The following ADGRV1 variants were observed in gnomAD, a reference collection of about 807,000 sequenced individuals.
ADGRV1 encodes the protein adhesion G protein-coupled receptor V1, also known as G-protein coupled receptor 98.
A neutral mutation model predicts 596.2 loss-of-function variants in ADGRV1; 359 were observed. The ratio of observed to expected loss-of-function variants is 0.60; its 90% CI spans 0.55 to 0.66. The LOEUF is 0.66. ADGRV1 is among the 30% of genes least tolerant of loss of function. The probability of loss-of-function intolerance (pLI) is 0.00; values close to 1 mark genes in which losing one functional copy is unlikely to be tolerated. For missense variants in ADGRV1, 7,274 were observed against 7,575.6 expected, an observed-to-expected ratio of 0.96 and a Z score of 1.48; for synonymous variants, 2,681 against 2,679.2, an observed-to-expected ratio of 1.00 and a Z score of -0.02.
intron 83 of ADGRV1, among the ~76,000 whole-genome samples, chr5:90,882,430 G>C (rs372744192): frequency 6.6e-6 from 1 of 152,152 alleles, no homozygotes; most frequent in South Asian, 2.1e-4. Context: ...ACAGTCTCCT[G>C]TACTGATGGA....
At chr5:90,886,293 G>T (rs1046043805) in intron 83 of ADGRV1, among the ~76,000 whole-genome samples, 2 of 152,120 alleles carry the variant, frequency 1.3e-5, no homozygotes, top group South Asian at 4.1e-4. Flanking sequence ...TTTGGCTTCA[G>T]CTTCTCAGAC....
intron 83 of ADGRV1, among the ~76,000 whole-genome samples, chr5:90,922,173 C>A (rs1773941682): frequency 1.3e-5 from 2 of 152,224 alleles, no homozygotes; most frequent in South Asian, 2.1e-4. Flanking sequence ...CACTGCCACA[C>A]TGTATGGTGT....
At chr5:90,712,553 G>A (rs956597282) in intron 42 of ADGRV1, 125 bp downstream of exon 42, 1 of 731,356 alleles carries the variant, frequency 1.4e-6, no homozygotes, top group East Asian at 2.8e-5. Context: ...ATGATTTTAA[G>A]TTAGAGCATT....
intron 84 of ADGRV1, among the ~76,000 whole-genome samples, chr5:90,966,270 C>T (rs1778448336): frequency 6.6e-6 from 1 of 152,202 alleles, no homozygotes; most frequent in East Asian, 1.9e-4. Flanking sequence ...TAGAAATGCA[C>T]TGGGAATGCC....
chr5:90,684,131 G>T lies in ADGRV1; in HGVS notation c.6210G>T (p.Arg2070Ser). ...TTTTGGATGATGATGAGCCAGAAAGGTCCGAATCTGTCTTTATCGAACTAC... is the reference window on the plus strand; with the variant it reads ...TTTTGGATGATGATGAGCCAGAAAGTTCCGAATCTGTCTTTATCGAACTAC... ...ISILDDDEPE[R>S]SESVFIELLN... The change falls in exon 28 of 90, where the codon AGG (arginine) becomes AGT (serine). Residue 2070 changes from arginine to serine, a missense_variant. Arg to Ser is a moderately radical substitution (Grantham distance 110, BLOSUM62 -1). Coordinates refer to ENST00000405460, the MANE Select transcript of ADGRV1 (RefSeq NM_032119.4). The T allele has an allele frequency of 2.5e-6, 4 of 1,613,794 alleles. No individual in the cohort carries two copies. The highest frequency in any genetic ancestry group is 3.4e-6 in the Non-Finnish European group (4 of 1,179,844).
At chr5:90,813,106 C>A (rs1194605565) in intron 74 of ADGRV1, among the ~76,000 whole-genome samples, 4 of 98,078 alleles carry the variant, frequency 4.1e-5, no homozygotes, top group Non-Finnish European at 5.8e-5. Context: ...ACACTCCAGC[C>A]TGGGCGACAG....
At chr5:90,704,355 G>T (rs763900393) in intron 35 of ADGRV1, 34 bp from the exon 36 acceptor site, 9 of 1,274,012 alleles carry the variant, frequency 7.1e-6, no homozygotes, top group East Asian at 2.5e-5. Context: ...ATTCAATAAC[G>T]ACAGCGGGAT....
rs1025893597 is a variant in ADGRV1 at position 90,708,912 on chromosome 5, A to G, written c.8824+3A>G. 1.3e-6 allele frequency: 2 copies of G among 1,595,676 alleles called. No homozygotes were observed. The highest frequency in any genetic ancestry group is 1.7e-6 in the Non-Finnish European group (2 of 1,164,110). Reference sequence around the variant, plus strand: ...AACTTCATTTCCTCCCAGACTAGGTATGAGGGGTTTCTTGTTTGTTTCTTT... The same window carrying G: ...AACTTCATTTCCTCCCAGACTAGGTGTGAGGGGTTTCTTGTTTGTTTCTTT... On this transcript the variant is annotated splice_donor_region_variant and intron_variant, in intron 39 of 89. Coordinates refer to ENST00000405460, the MANE Select transcript of ADGRV1 (RefSeq NM_032119.4).
At chr5:90,585,358 G>A (rs1171586377) in intron 1 of ADGRV1, among the ~76,000 whole-genome samples, 3 of 152,184 alleles carry the variant, frequency 2.0e-5, no homozygotes, top group Admixed American at 6.5e-5. Context: ...GTGCATCATC[G>A]TAAGTGTGGT....
chr5:90,927,643 ATGTTGTTATGTGTGAATTTGATCC>A (rs1016489427), intron 83 of ADGRV1, among the ~76,000 whole-genome samples: 3 of 151,610 alleles, frequency 2.0e-5, no homozygotes, highest in Non-Finnish European at 2.9e-5. Context: ...TTTAAAGTTA[ATGTTGTTATGTGTGAATTTGATCC>A]TGTCATTATG....
intron 84 of ADGRV1, among the ~76,000 whole-genome samples, chr5:90,976,278 G>T (rs1779576256): frequency 7.2e-6 from 1 of 139,150 alleles, no homozygotes; most frequent in African/African-American, 2.7e-5. Flanking sequence ...ATGTTTACGT[G>T]TATCTGTATG....
Position 90,672,602 on chromosome 5 carries a change from G to A in ADGRV1, c.4809G>A (p.Leu1603=). The A allele has an allele frequency of 6.2e-7, 1 of 1,613,652 alleles. No homozygotes were observed. The highest frequency in any genetic ancestry group is 8.5e-7 in the Non-Finnish European group (1 of 1,179,670). Residue 1603 remains leucine (L), a synonymous_variant, in exon 22 of 90, where the codon CTG becomes CTA. Coordinates refer to ENST00000405460, the MANE Select transcript of ADGRV1 (RefSeq NM_032119.4). ...SCVVERTRGA[L]DYVHVFYTIS... is the part of the protein sequence containing the mutation. ...TGGTTGAGAGAACCAGAGGAGCTCT[G>A]GATTATGTGCATGTTTTTTACACCA...
Position 91,035,861 on chromosome 5 carries a change from T to TAATATATATATATATATATATATATATA in ADGRV1, c.18153-36586_18153-36585insAATATATATATATATATATATATATATA. Among the ~76,000 whole-genome samples the TAATATATATATATATATATATATATATA allele has an allele frequency of 7.6e-4, 73 of 96,372 alleles. 3 individuals carry two copies. Among genetic ancestry groups the TAATATATATATATATATATATATATATA allele is most frequent in the Admixed American group, 1.3e-3 (12 of 9,434 alleles). 63.2% of individuals were successfully genotyped at this position (96,372 alleles called of 152,430 possible). A position where few individuals can be genotyped will look rare whatever the true frequency, so the allele number is the denominator to read the frequency against. ...ATGAGTGTGTATATATATATATATA[T>TAATATATATATATATATATATATATATA]TATATATATATATATATATATCTTA... On this transcript the variant is annotated intron_variant, in intron 85 of 89. Coordinates refer to ENST00000405460, the MANE Select transcript of ADGRV1 (RefSeq NM_032119.4).
chr5:90,873,668 C>T (rs1010372839), intron 83 of ADGRV1, among the ~76,000 whole-genome samples: 4 of 152,066 alleles, frequency 2.6e-5, no homozygotes, highest in Admixed American at 6.5e-5. Flanking sequence ...TGGTGGTGCA[C>T]GCTGTAGTCC....
At chr5:91,070,015 C>A (rs1216243740) in intron 85 of ADGRV1, among the ~76,000 whole-genome samples, 1 of 151,436 alleles carries the variant, frequency 6.6e-6, no homozygotes, top group African/African-American at 2.4e-5. Context: ...GAACAAAAAA[C>A]CAAATACCAC....
chr5:90,840,713 C>G lies in ADGRV1; in HGVS notation c.16747C>G (p.Pro5583Ala). 1 of 1,613,986 alleles carries G rather than the reference C, an allele frequency of 6.2e-7. No homozygotes were observed. Among genetic ancestry groups the G allele is most frequent in the Admixed American group, 1.7e-5 (1 of 60,028 alleles). ...CACTGTATTGGATGTCATCCTAACG[C>G]CAGAGACAGGATCTTTAAATTCATT... ...RSTVLDVILT[P>A]ETGSLNSFPK... is the part of the protein sequence containing the mutation. The change falls in exon 78 of 90, where the codon CCA becomes GCA. Residue 5583 changes from proline to alanine, a missense_variant. Physicochemically the swap from Pro to Ala is conservative, Grantham distance 27 (BLOSUM62 -1). This residue lies in a region of ADGRV1 where 1,874 missense variants were observed against 1,970.2 expected (regional missense o/e 0.95). Transcript: ENST00000405460.
At chr5:90,851,134 T>TGTGTGTGTGTATGAGAGAGAGAGA (rs757909771) in intron 79 of ADGRV1, among the ~76,000 whole-genome samples, 16 of 81,510 alleles carry the variant, frequency 2.0e-4, no homozygotes, top group Admixed American at 1.3e-3. Flanking sequence ...TGTGTGTGTG[T>TGTGTGTGTGTATGAGAGAGAGAGA]GAGAGAGAGA....
At chr5:90,586,596 G>A (rs1396517119) in intron 1 of ADGRV1, among the ~76,000 whole-genome samples, 2 of 152,102 alleles carry the variant, frequency 1.3e-5, no homozygotes, top group East Asian at 3.9e-4. Flanking sequence ...CTGTAAACTG[G>A]AAGTTAGCTC....
intron 4 of ADGRV1, among the ~76,000 whole-genome samples, chr5:90,620,731 G>A (rs2152061963): frequency 6.6e-6 from 1 of 152,266 alleles, no homozygotes; most frequent in South Asian, 2.1e-4. Context: ...ATGGTTTTAG[G>A]TCTAACAGGT....
Sources: allele counts gnomAD v4.1 joint callset (sites outside exome capture counted in the v4.1 genomes callset), GRCh38; gene constraint gnomAD v4.1.1; regional missense constraint gnomAD v4.1.1; transcripts MANE v1.5; gene names NCBI Gene and HGNC (gene_info 2026-07-23, HGNC 2026-07-21).